Variants in HYDIN observed in about 807,000 individuals in gnomAD.
HYDIN encodes the protein HYDIN axonemal central pair apparatus protein.
A neutral mutation model predicts 403.9 loss-of-function variants in HYDIN; 132 were observed. The ratio of observed to expected loss-of-function variants is 0.33; its 90% CI spans 0.28 to 0.38. The LOEUF (loss-of-function observed/expected upper bound fraction) is 0.38, where lower values mean the gene tolerates loss of function less well. HYDIN is among the 10% of genes least tolerant of loss of function. The pLI, the probability that HYDIN is intolerant of heterozygous loss-of-function variation, is 1.00. For missense variants in HYDIN, 2,827 were observed against 5,009.5 expected (o/e 0.56, Z 13.15); for synonymous variants, 1,202 against 1,891.7 (o/e 0.64, Z 9.46).
At chr16:70,854,996 G>C (rs1440501375) in intron 73 of HYDIN, 132 bp downstream of exon 73, 1 of 651,272 alleles carries the variant, frequency 1.5e-6, no homozygotes, top group Non-Finnish European at 2.6e-6. Flanking sequence ...GTAGGATGGA[G>C]ATGGAATTGT....
intron 1 of HYDIN, among the ~76,000 whole-genome samples, chr16:71,192,546 A>G (rs2087485844): frequency 6.6e-6 from 1 of 152,170 alleles, no homozygotes; most frequent in Non-Finnish European, 1.5e-5. Flanking sequence ...CACACACCAC[A>G]GACTCACATG....
intron 71 of HYDIN, among the ~76,000 whole-genome samples, 166 bp from the exon 72 acceptor site, chr16:70,858,036 T>A (rs1774418): frequency 1.3e-5 from 2 of 152,236 alleles, no homozygotes; most frequent in Non-Finnish European, 2.9e-5. Flanking sequence ...GTACCAGAAA[T>A]GTCAATGTCT....
At chr16:70,847,395 C>T (rs2143567917) in intron 75 of HYDIN, among the ~76,000 whole-genome samples, 1 of 152,268 alleles carries the variant, frequency 6.6e-6, no homozygotes, top group Non-Finnish European at 1.5e-5. Context: ...ATCTATATTT[C>T]TTCATGTGGA....
intron 1 of HYDIN, among the ~76,000 whole-genome samples, chr16:71,197,452 T>TA (rs1436535598): frequency 6.6e-6 from 1 of 152,064 alleles, no homozygotes; most frequent in African/African-American, 2.4e-5. Context: ...AAAGCATTGT[T>TA]ACAGTTTGAT....
At chr16:70,915,205 T>G (rs1366816855) in intron 47 of HYDIN, among the ~76,000 whole-genome samples, 1 of 152,136 alleles carries the variant, frequency 6.6e-6, no homozygotes, top group African/African-American at 2.4e-5. Context: ...GGGGGGCTAC[T>G]AAAGGGCCTT....
intron 53 of HYDIN, 21 bp downstream of exon 53, chr16:70,900,983 T>G: frequency 1.7e-6 from 1 of 591,624 alleles, no homozygotes; most frequent in Non-Finnish European, 3.0e-6. Flanking sequence ...TAACCAAGTC[T>G]GTGGATGTGT....
rs1398922750 is a variant in HYDIN at position 70,802,846 on chromosome 16, TA to T, written c.*4733del. On this transcript the variant is annotated 3_prime_UTR_variant, in exon 86 of 86. Transcript: ENST00000393567. ...ATACAGGTGGGGTTTTCATAGTTGT[TA>T]AAACCTTTGCTGACACAATCCTATG... is the stretch of plus-strand genomic sequence containing the variant. 1 of 152,234 alleles carries T rather than the reference TA, an allele frequency of 6.6e-6. No homozygotes were observed. Among genetic ancestry groups the T allele is most frequent in the Non-Finnish European group, 1.5e-5 (1 of 68,036 alleles). 9.4% of individuals were successfully genotyped at this position (152,234 alleles called of 1,614,324 possible). A position where few individuals can be genotyped will look rare whatever the true frequency, so the allele number is the denominator to read the frequency against.
intron 65 of HYDIN, among the ~76,000 whole-genome samples, chr16:70,870,773 T>C (rs949108554): frequency 6.6e-6 from 1 of 151,044 alleles, no homozygotes; most frequent in Admixed American, 6.6e-5. Context: ...CTCATGCCTA[T>C]AATCCCAGCA....
intron 65 of HYDIN, among the ~76,000 whole-genome samples, chr16:70,870,171 C>T (rs373079516): frequency 8.0e-5 from 12 of 150,834 alleles, no homozygotes; most frequent in Admixed American, 4.0e-4. Flanking sequence ...CTCTTAAAAG[C>T]ATTCAGTTTT....
chr16:71,210,950 C>T (rs1193173039), intron 1 of HYDIN, among the ~76,000 whole-genome samples: 1 of 151,786 alleles, frequency 6.6e-6, no homozygotes, highest in Non-Finnish European at 1.5e-5. Flanking sequence ...AAGGTATAAT[C>T]TGTAAAAGAG....
At position 71,064,855 on chromosome 16, in the gene HYDIN, C is replaced by A; in HGVS notation, c.2076-15G>T. The stretch of plus-strand genomic sequence containing the variant: ...GTACAACACACCTGCTCGGAGGAGC[C>A]CATCACACAATTCAAAACAGAGAGC... On this transcript the variant is annotated splice_polypyrimidine_tract_variant and intron_variant, in intron 15 of 85. Transcript: ENST00000393567. 6.2e-7 allele frequency: 1 copy of A among 1,605,438 alleles called. No individual in the cohort carries two copies. Among genetic ancestry groups the A allele is most frequent in the Non-Finnish European group, 8.5e-7 (1 of 1,176,582 alleles).
intron 56 of HYDIN, among the ~76,000 whole-genome samples, 155 bp downstream of exon 56, chr16:70,892,202 ATAGT>A (rs147423461): frequency 0.021 from 3,049 of 148,686 alleles, 44 homozygotes; most frequent in Non-Finnish European, 0.031. Context: ...ACTTTGCCTG[ATAGT>A]TAGGACAGAA....
chr16:70,956,631 G>GCTAT (rs376410418), intron 39 of HYDIN, among the ~76,000 whole-genome samples: 1 of 152,068 alleles, frequency 6.6e-6, no homozygotes, highest in African/African-American at 2.4e-5. Context: ...ACTGGGAGAT[G>GCTAT]CTATGCTGAT....
chr16:71,030,710 C>T (rs1344289893), intron 19 of HYDIN, among the ~76,000 whole-genome samples: 2 of 152,240 alleles, frequency 1.3e-5, no homozygotes, highest in South Asian at 4.1e-4. Context: ...GGATTATAGG[C>T]GTGGGCTACT....
intron 18 of HYDIN, among the ~76,000 whole-genome samples, chr16:71,051,659 ACAAAAAAAAC>A (rs1568061608): frequency 5.6e-5 from 6 of 107,284 alleles, no homozygotes; most frequent in Admixed American, 4.5e-4. Context: ...AAAAAAAAAA[ACAAAAAAAAC>A]AAAAAAAAGA....
At chr16:71,138,617 CTT>C (rs997308889) in intron 7 of HYDIN, among the ~76,000 whole-genome samples, 2 of 151,670 alleles carry the variant, frequency 1.3e-5, no homozygotes, top group Admixed American at 1.3e-4. Context: ...GGTATGCACT[CTT>C]GTCAACTTTT....
chr16:70,946,969 A>G (rs1401447776), intron 41 of HYDIN, among the ~76,000 whole-genome samples: 2 of 152,134 alleles, frequency 1.3e-5, no homozygotes, highest in Non-Finnish European at 2.9e-5. Flanking sequence ...TAGATATACA[A>G]TCATGTCGTC....
chr16:70,876,378 G>A (rs1349578226), intron 62 of HYDIN, among the ~76,000 whole-genome samples: 1 of 105,358 alleles, frequency 9.5e-6, no homozygotes, highest in Non-Finnish European at 1.9e-5. Flanking sequence ...AGTAAAGATG[G>A]GATTTTACCA....
intron 18 of HYDIN, among the ~76,000 whole-genome samples, chr16:71,038,726 T>C (rs1295123123): frequency 3.3e-5 from 5 of 152,276 alleles, no homozygotes; most frequent in East Asian, 1.9e-4. Flanking sequence ...AGTGGCGCCA[T>C]CTCGGACCAC....
Sources: allele counts gnomAD v4.1 joint callset (sites outside exome capture counted in the v4.1 genomes callset), GRCh38; gene constraint gnomAD v4.1.1; transcripts MANE v1.5; gene names NCBI Gene and HGNC (gene_info 2026-07-23, HGNC 2026-07-21).